The following ZNF76 variants were observed in gnomAD, a reference collection of about 807,000 sequenced individuals.
ZNF76 encodes zinc finger protein 523.
In ZNF76, 66 loss-of-function variants were observed where a neutral mutation model predicts 66.9. The observed-to-expected ratio is 0.99, with a 90% CI of 0.81 to 1.21. The LOEUF is 1.21. ZNF76 is among the 50% of genes most tolerant of loss of function. The probability of loss-of-function intolerance (pLI) is 0.00; values close to 1 mark genes in which losing one functional copy is unlikely to be tolerated. For synonymous variants in ZNF76, 275 were observed against 296.1 expected (o/e 0.93, Z 0.73); for missense variants, 729 against 760.3 (o/e 0.96, Z 0.48).
chr6:35,272,217 T>C (rs7767150), intron 1 of ZNF76, among the ~76,000 whole-genome samples: 135,713 of 152,112 alleles, frequency 0.89, 60,700 homozygotes, highest in East Asian at 0.99. Flanking sequence ...TGAGGTGAGA[T>C]GATCACTTGA....
At chr6:35,273,765 A>G (rs1269492790) in intron 1 of ZNF76, among the ~76,000 whole-genome samples, 2 of 149,434 alleles carry the variant, frequency 1.3e-5, no homozygotes, top group East Asian at 3.9e-4. Flanking sequence ...TATGTTGCCC[A>G]GGCTGGTCTC....
intron 2 of ZNF76, among the ~76,000 whole-genome samples, chr6:35,284,815 A>G (rs1020929541): frequency 1.3e-5 from 2 of 152,052 alleles, no homozygotes; most frequent in Non-Finnish European, 2.9e-5. Flanking sequence ...GGCTCAAGCA[A>G]TCCTCCCACC....
chr6:35,274,412 G>A (rs1436684857), intron 1 of ZNF76, among the ~76,000 whole-genome samples: 2 of 152,224 alleles, frequency 1.3e-5, no homozygotes, highest in East Asian at 3.8e-4. Flanking sequence ...AGCCCAGCTT[G>A]TGTGTGGAGC....
intron 1 of ZNF76, among the ~76,000 whole-genome samples, chr6:35,263,232 G>T (rs1785511732): frequency 6.6e-6 from 1 of 152,132 alleles, no homozygotes; most frequent in Admixed American, 6.6e-5. Flanking sequence ...TTTTTTAGAG[G>T]GCAGGGAGAG....
At position 35,290,734 on chromosome 6, in the gene ZNF76, C is replaced by G. The variant is rs1287917095; in HGVS notation, c.625+18C>G. On this transcript the variant is annotated intron_variant, in intron 7 of 13. Transcript: ENST00000373953. Reference sequence around the variant, plus strand: ...TGCCACAGGTAACCTGCCTGGTGGGCTGCTTCCAGTTGAGGGTGGAGGGTT... The same window carrying G: ...TGCCACAGGTAACCTGCCTGGTGGGGTGCTTCCAGTTGAGGGTGGAGGGTT... 1 of 1,613,434 alleles carries G rather than the reference C, an allele frequency of 6.2e-7. No individual in the cohort carries two copies.
rs901088065 is a variant in ZNF76, at chr6:35,282,280, C to A, written c.73+1056C>A. ...CTTGAGGCCATAAGTTTGAGGTCAG[C>A]CTAGACAACAGCAAGACCCCATCTA... On this transcript the variant is annotated intron_variant, in intron 2 of 13. Coordinates refer to ENST00000373953, the MANE Select transcript of ZNF76 (RefSeq NM_003427.5). 2.7e-5 allele frequency among the ~76,000 whole-genome samples: 4 copies of A among 150,850 alleles called. No homozygotes were observed. In the East Asian group the frequency reaches 7.8e-4, roughly 29 times the overall value.
intron 7 of ZNF76, 40 bp downstream of exon 7, chr6:35,290,756 G>A: frequency 1.2e-6 from 2 of 1,603,428 alleles, no homozygotes; most frequent in Non-Finnish European, 1.7e-6. Flanking sequence ...GAGGGTGGAG[G>A]GTTCTCGTTC....
At chr6:35,290,154 C>T (rs1790151775) in intron 5 of ZNF76, 112 bp from the exon 6 acceptor site, 2 of 1,382,136 alleles carry the variant, frequency 1.4e-6, no homozygotes, top group African/African-American at 1.4e-5. Flanking sequence ...GCCCCAGAGG[C>T]CCCTGACAGG....
Position 35,287,373 on chromosome 6 carries a change from T to C in ZNF76, c.233-273T>C, listed in dbSNP as rs954766674. Among the ~76,000 whole-genome samples, 1 of 152,116 alleles carries C rather than the reference T, an allele frequency of 6.6e-6. No individual in the cohort carries two copies. The highest frequency in any genetic ancestry group is 1.5e-5 in the Non-Finnish European group (1 of 68,028). The stretch of plus-strand genomic sequence containing the variant: ...TGAGGAGCGACTGGTCAGGAGGCTA[T>C]TGTGGTCATCTAAGCCAAAATGATG... On this transcript the variant is annotated intron_variant, in intron 4 of 13. Transcript: ENST00000373953. This position sits in a 1 kb window ranked among gnomAD's most constrained non-coding sequence, Gnocchi z 4.0.
chr6:35,284,586 AGACAGG>A (rs1284255034), intron 2 of ZNF76, among the ~76,000 whole-genome samples: 3 of 151,876 alleles, frequency 2.0e-5, no homozygotes, highest in Admixed American at 6.6e-5. Flanking sequence ...TTTTTAGTAG[AGACAGG>A]GTTTCACCAT....
chr6:35,283,248 T>TACACACACACATATGCAA (rs1164703614), intron 2 of ZNF76, among the ~76,000 whole-genome samples: 1 of 152,128 alleles, frequency 6.6e-6, no homozygotes, highest in African/African-American at 2.4e-5. Flanking sequence ...AGTGTGCACT[T>TACACACACACATATGCAA]ACACACACAC....
chr6:35,267,020 C>T lies in ZNF76; in HGVS notation c.-97+7179C>T, dbSNP rs565568348. ...TTCACCGTGTTAACCAGGATGGTCT[C>T]TATCTCCTGACTTTGTGATCCGCCC... On this transcript the variant is annotated intron_variant, in intron 1 of 13. Coordinates refer to ENST00000373953, the MANE Select transcript of ZNF76 (RefSeq NM_003427.5). Among the ~76,000 whole-genome samples, 83 of 152,038 alleles carry T rather than the reference C, an allele frequency of 5.5e-4. 1 individual carries two copies. In the South Asian group the frequency reaches 7.3e-3, roughly 13 times the overall value.
At chr6:35,289,537 T>TA (rs1360701178) in intron 5 of ZNF76, among the ~76,000 whole-genome samples, 1 of 152,136 alleles carries the variant, frequency 6.6e-6, no homozygotes. Flanking sequence ...GACTAAGGGA[T>TA]AGTCCCACCA....
Position 35,290,663 on chromosome 6 carries a change from G to A in ZNF76, c.572G>A (p.Gly191Asp), listed in dbSNP as rs778194863. ...CAGGTGCATGAACGAGCTCATACAG[G>A]TGACCGTCCATACAGATGTGACTTC... ...HLKVHERAHT[G>D]DRPYRCDFPS... Residue 191 changes from glycine to aspartate, a missense_variant, in exon 7 of 14, where the codon GGT becomes GAT. By Grantham distance (94) the Gly-to-Asp change is moderately conservative. Transcript: ENST00000373953. The A allele has an allele frequency of 2.5e-6, 4 of 1,614,198 alleles. No homozygotes were observed. Among genetic ancestry groups the A allele is most frequent in the Non-Finnish European group, 3.4e-6 (4 of 1,180,030 alleles).
intron 7 of ZNF76, chr6:35,290,923 G>A (rs945677410): frequency 1.6e-5 from 10 of 615,228 alleles, no homozygotes; most frequent in African/African-American, 3.7e-5. Context: ...AGCCTGGAGG[G>A]TTGGTGGAGA....
intron 13 of ZNF76, 36 bp downstream of exon 13, chr6:35,294,605 G>T (rs374760378): frequency 7.0e-7 from 1 of 1,430,074 alleles, no homozygotes; most frequent in South Asian, 1.1e-5. Flanking sequence ...GGATCCCACG[G>T]CCAGAGAAGT....
At chr6:35,272,935 C>G (rs959417771) in intron 1 of ZNF76, among the ~76,000 whole-genome samples, 1 of 152,112 alleles carries the variant, frequency 6.6e-6, no homozygotes, top group Non-Finnish European at 1.5e-5. Context: ...AGGTGGATCA[C>G]TTGAGGTCAG....
chr6:35,281,254 G>A, intron 2 of ZNF76, 30 bp downstream of exon 2: 1 of 1,604,354 alleles, frequency 6.2e-7, no homozygotes, highest in Non-Finnish European at 8.5e-7. Flanking sequence ...TCAGGATCCT[G>A]CCCTGTCCCT....
At chr6:35,263,775 G>A (rs1050213594) in intron 1 of ZNF76, among the ~76,000 whole-genome samples, 1 of 152,096 alleles carries the variant, frequency 6.6e-6, no homozygotes, top group Non-Finnish European at 1.5e-5. Flanking sequence ...TTTCGAGATG[G>A]AGTCTTACTC....
Sources: gnomAD v4.1 joint callset for allele counts (sites outside exome capture counted in the v4.1 genomes callset) on GRCh38, gnomAD v4.1.1 for gene constraint, Gnocchi (gnomAD v3.1) non-coding constraint, MANE v1.5 for transcripts, NCBI Gene and HGNC (gene_info 2026-07-23, HGNC 2026-07-21) for gene names.